ADAMTSL1: variants seen among roughly 807,000 people sequenced by gnomAD.
ADAMTSL1 encodes ADAMTS like 1.
ADAMTSL1 carries 126 observed loss-of-function variants against 201.8 expected under a neutral mutation model. That is an observed-to-expected ratio of 0.62 (90% CI 0.54 to 0.72). The LOEUF (loss-of-function observed/expected upper bound fraction) is 0.72, where lower values mean the gene tolerates loss of function less well. Ranked by LOEUF, ADAMTSL1 falls within the 30% of genes least tolerant of loss-of-function variation. The pLI is 0.00. For missense variants in ADAMTSL1, 2,679 were observed against 2,277.8 expected (o/e 1.18, Z -3.59); for synonymous variants, 1,121 against 903.4 (o/e 1.24, Z -4.32).
At chr9:18,657,383 T>C (rs1264917378) in intron 7 of ADAMTSL1, among the ~76,000 whole-genome samples, 1 of 152,160 alleles carries the variant, frequency 6.6e-6, no homozygotes, top group African/African-American at 2.4e-5. Flanking sequence ...GATAGTGAAA[T>C]CACAAATTGA....
Position 18,272,367 on chromosome 9 carries a change from T to C in ADAMTSL1, c.207+108386T>C, listed in dbSNP as rs151331574. 6.0e-3 allele frequency among the ~76,000 whole-genome samples: 915 copies of C among 152,334 alleles called. 4 individuals carry two copies. Among genetic ancestry groups the C allele is most frequent in the Non-Finnish European group, 0.011 (727 of 68,036 alleles). Reference sequence around the variant, plus strand: ...AACAAGAAATGGGGAAAGGATTCCCTATTCAACAAATGGTGCTGGGAAACC... The same window carrying C: ...AACAAGAAATGGGGAAAGGATTCCCCATTCAACAAATGGTGCTGGGAAACC... On this transcript the variant is annotated intron_variant, in intron 2 of 29. Transcript: ENST00000680146.
intron 2 of ADAMTSL1, among the ~76,000 whole-genome samples, chr9:18,256,601 G>A (rs1377520948): frequency 6.6e-6 from 1 of 152,228 alleles, no homozygotes; most frequent in Non-Finnish European, 1.5e-5. Flanking sequence ...GGAGTTAACA[G>A]CCCATTGGGG....
At chr9:18,244,302 CT>C (rs1192211622) in intron 2 of ADAMTSL1, among the ~76,000 whole-genome samples, 1 of 152,080 alleles carries the variant, frequency 6.6e-6, no homozygotes, top group Non-Finnish European at 1.5e-5. Flanking sequence ...CTTCTGACCT[CT>C]CCCTCATTTC....
intron 1 of ADAMTSL1, among the ~76,000 whole-genome samples, chr9:18,123,807 T>C (rs2131932074): frequency 6.6e-6 from 1 of 152,322 alleles, no homozygotes; most frequent in East Asian, 1.9e-4. Flanking sequence ...ATTTCATATC[T>C]CTGGATTTGC....
At chr9:18,380,913 C>T (rs183626451) in intron 2 of ADAMTSL1, among the ~76,000 whole-genome samples, 15 of 152,274 alleles carry the variant, frequency 9.9e-5, no homozygotes, top group Admixed American at 3.9e-4. Context: ...CAAAGAGAAC[C>T]CTTTATGCTG....
chr9:17,978,845 C>G (rs1470460920), intron 1 of ADAMTSL1, among the ~76,000 whole-genome samples: 2 of 152,016 alleles, frequency 1.3e-5, no homozygotes, highest in African/African-American at 2.4e-5. Context: ...TTTAGCATTT[C>G]TCATAAGGCA....
chr9:18,686,674 C>T (rs1190392559), intron 13 of ADAMTSL1, among the ~76,000 whole-genome samples: 4 of 152,242 alleles, frequency 2.6e-5, no homozygotes, highest in South Asian at 2.1e-4. Context: ...TGGACTAAAG[C>T]GTAATCCTAT....
intron 2 of ADAMTSL1, among the ~76,000 whole-genome samples, chr9:18,338,818 C>G (rs1292397190): frequency 6.6e-6 from 1 of 152,124 alleles, no homozygotes; most frequent in African/African-American, 2.4e-5. Flanking sequence ...TTGTTCCCTT[C>G]TTTGTGTCCA....
chr9:18,445,206 A>G (rs1820144826), intron 2 of ADAMTSL1, among the ~76,000 whole-genome samples: 1 of 152,144 alleles, frequency 6.6e-6, no homozygotes, highest in Admixed American at 6.5e-5. Context: ...TCTCTTCAGT[A>G]TCTGTTTTGC....
In ADAMTSL1 at chr9:18,693,462, A is replaced by G. The variant is rs192651920; in HGVS notation, c.1574+8662A>G. On this transcript the variant is annotated intron_variant, in intron 13 of 28. Coordinates refer to ENST00000380548, the MANE Select transcript of ADAMTSL1 (RefSeq NM_001040272.6). ...AGTAACTCTAACCTTTTCCTGCTGTAGGAGTTTTCTTATGGTTTCTATAGC... is the reference window on the plus strand; with the variant it reads ...AGTAACTCTAACCTTTTCCTGCTGTGGGAGTTTTCTTATGGTTTCTATAGC... Among the ~76,000 whole-genome samples the G allele has an allele frequency of 3.3e-5, 5 of 152,304 alleles. No homozygotes were observed. The East Asian group carries it at 9.6e-4, about 29-fold the overall frequency.
intron 1 of ADAMTSL1, among the ~76,000 whole-genome samples, chr9:18,042,177 A>G (rs886459154): frequency 6.6e-6 from 1 of 152,072 alleles, no homozygotes; most frequent in Admixed American, 6.6e-5. Context: ...AGAACCAGCC[A>G]TGAAAGCTTA....
rs1824503597 is a variant in ADAMTSL1 at position 18,825,679 on chromosome 9, CG to C, written c.3935-604del. 1.2e-3 allele frequency among the ~76,000 whole-genome samples: 177 copies of C among 152,186 alleles called. 1 individual carries two copies. The highest frequency in any genetic ancestry group is 4.0e-3 in the African/African-American group (168 of 41,502). ...AGCCCCCGGTCAAGACACAGAGCAT[CG>C]CCAGTGGCCAAGCCACTTGTCCCAT... On this transcript the variant is annotated intron_variant, in intron 21 of 28. Coordinates refer to ENST00000380548, the MANE Select transcript of ADAMTSL1 (RefSeq NM_001040272.6).
At chr9:17,940,152 C>T in intron 1 of ADAMTSL1, among the ~76,000 whole-genome samples, 1 of 152,212 alleles carries the variant, frequency 6.6e-6, no homozygotes, top group Middle Eastern at 3.4e-3. Context: ...CATATCTTGA[C>T]AGTTTCTGGA....
chr9:18,667,552 G>T (rs1034987422), intron 9 of ADAMTSL1, among the ~76,000 whole-genome samples: 16 of 152,108 alleles, frequency 1.1e-4, no homozygotes, highest in Admixed American at 1.0e-3. Flanking sequence ...CCTACGAAGT[G>T]AGGATAATAA....
intron 3 of ADAMTSL1, among the ~76,000 whole-genome samples, chr9:18,556,402 T>C (rs1821111787): frequency 6.6e-6 from 1 of 152,034 alleles, no homozygotes; most frequent in Non-Finnish European, 1.5e-5. Context: ...AGTGGAAAGC[T>C]TTATTAATCA....
chr9:18,837,935 T>G (rs1445702065), intron 23 of ADAMTSL1, among the ~76,000 whole-genome samples: 1 of 152,228 alleles, frequency 6.6e-6, no homozygotes, highest in Non-Finnish European at 1.5e-5. Flanking sequence ...TCTTTCCTAC[T>G]GTATCTCTGT....
intron 15 of ADAMTSL1, among the ~76,000 whole-genome samples, chr9:18,735,628 C>A (rs1157485429): frequency 6.6e-6 from 1 of 152,106 alleles, no homozygotes; most frequent in Admixed American, 6.5e-5. Flanking sequence ...TAGTAAAACC[C>A]CACATGTCAA....
At chr9:18,176,360 G>A (rs1477475600) in intron 2 of ADAMTSL1, among the ~76,000 whole-genome samples, 1 of 152,082 alleles carries the variant, frequency 6.6e-6, no homozygotes, top group African/African-American at 2.4e-5. Flanking sequence ...ATAGTAATGG[G>A]AGTATATATC....
chr9:18,317,231 G>A (rs1834437351), intron 2 of ADAMTSL1, among the ~76,000 whole-genome samples: 1 of 152,116 alleles, frequency 6.6e-6, no homozygotes. Context: ...CCAGGGGCTA[G>A]AGGAAGGGAT....
Sources: gnomAD v4.1 joint callset for allele counts (sites outside exome capture counted in the v4.1 genomes callset) on GRCh38, gnomAD v4.1.1 for gene constraint, MANE v1.5 for transcripts, NCBI Gene and HGNC (gene_info 2026-07-23, HGNC 2026-07-21) for gene names.